Variants in GSE1 observed in about 807,000 individuals in gnomAD.
GSE1 encodes Gse1 coiled-coil protein, also known as genetic suppressor element 1.
Under a neutral mutation model 112.6 loss-of-function variants are expected in GSE1, and 32 were observed. That is an observed-to-expected ratio of 0.28 (90% confidence interval 0.21 to 0.38). GSE1 has a LOEUF of 0.38. Among genes scored for constraint, GSE1 ranks in the 10% least tolerant of loss-of-function variants. The probability of loss-of-function intolerance (pLI) is 1.00; values close to 1 mark genes in which losing one functional copy is unlikely to be tolerated. For synonymous variants in GSE1, 1,115 were observed against 735.6 expected (o/e 1.52, Z -8.35); for missense variants, 2,348 against 1,699.2 (o/e 1.38, Z -6.71).
Position 85,646,128 on chromosome 16 carries a change from TTCCTATGCATGCATTCTACCTGCTTCTAC to T in GSE1, c.227-2423_227-2395del, listed in dbSNP as rs2050845657. ...TGCATTCTACCTGCTTCTACCACGC[TTCCTATGCATGCATTCTACCTGCTTCTAC>T]CACGCTTCCTATGCATGCATTCTAC... On this transcript the variant is annotated intron_variant, in intron 2 of 15. Transcript: ENST00000253458. Among the ~76,000 whole-genome samples the T allele has an allele frequency of 2.7e-5, 3 of 111,652 alleles. 1 individual carries two copies. The highest frequency in any genetic ancestry group is 1.2e-4 in the African/African-American group (3 of 25,586). The allele number at this position is 111,652 out of a possible 152,430, so 73.2% of individuals were successfully genotyped here.
intron 2 of GSE1, among the ~76,000 whole-genome samples, chr16:85,638,015 G>A (rs565758059): frequency 4.6e-5 from 7 of 152,314 alleles, no homozygotes; most frequent in Non-Finnish European, 7.4e-5. Flanking sequence ...AGCAGAGGCT[G>A]TGCTGCCCCA....
chr16:85,281,929 G>A (rs887273064), intron 1 of GSE1, among the ~76,000 whole-genome samples: 1 of 152,166 alleles, frequency 6.6e-6, no homozygotes, highest in Admixed American at 6.5e-5. Context: ...CAGTCCCCAG[G>A]TTTGCCACCC....
At chr16:85,471,912 A>G (rs7190883) in intron 2 of GSE1, among the ~76,000 whole-genome samples, 125,243 of 152,228 alleles carry the variant, frequency 0.82, 51,800 homozygotes, top group East Asian at 0.98. Context: ...TGTGGCTGGC[A>G]CCTGTGGTGG....
At chr16:85,663,163 T>G in intron 10 of GSE1, 70 bp downstream of exon 10, 4 of 1,247,512 alleles carry the variant, frequency 3.2e-6, no homozygotes, top group Non-Finnish European at 4.7e-6. Flanking sequence ...CACCCTGCAG[T>G]CCACCCCACT....
intron 2 of GSE1, among the ~76,000 whole-genome samples, chr16:85,367,450 T>C (rs1464649876): frequency 1.3e-5 from 2 of 152,158 alleles, no homozygotes; most frequent in East Asian, 3.9e-4. Context: ...AGAGCAGATA[T>C]TCAAGAGGAA....
intron 1 of GSE1, among the ~76,000 whole-genome samples, chr16:85,570,043 T>C (rs904007405): frequency 1.3e-5 from 2 of 152,218 alleles, no homozygotes; most frequent in Admixed American, 6.5e-5. Flanking sequence ...GTTGCGGCCC[T>C]GAGTTCCCAG....
intron 2 of GSE1, among the ~76,000 whole-genome samples, chr16:85,517,526 T>G (rs1186054178): frequency 6.6e-6 from 1 of 152,198 alleles, no homozygotes; most frequent in African/African-American, 2.4e-5. Context: ...TCAGGCCTTG[T>G]GCTGAAGCGG....
At chr16:85,548,360 T>G (rs1377604345) in intron 2 of GSE1, among the ~76,000 whole-genome samples, 1 of 146,736 alleles carries the variant, frequency 6.8e-6, no homozygotes, top group Non-Finnish European at 1.5e-5. Context: ...TAGGTCTTCT[T>G]TTTTTTTTTT....
At chr16:85,292,336 T>TG (rs1396413912) in intron 1 of GSE1, among the ~76,000 whole-genome samples, 2 of 150,136 alleles carry the variant, frequency 1.3e-5, no homozygotes, top group African/African-American at 2.5e-5. Flanking sequence ...TTGTTTTTTT[T>TG]TTTTGTTTTC....
At chr16:85,450,366 C>T (rs2049642254) in intron 2 of GSE1, among the ~76,000 whole-genome samples, 1 of 151,956 alleles carries the variant, frequency 6.6e-6, no homozygotes, top group Non-Finnish European at 1.5e-5. Context: ...GATCTGCCCG[C>T]CTTGGCCTCC....
At chr16:85,307,865 C>T (rs58242114) in intron 1 of GSE1, among the ~76,000 whole-genome samples, 5,898 of 152,200 alleles carry the variant, frequency 0.039, 333 homozygotes, top group African/African-American at 0.12. Flanking sequence ...TAGAGGTGAC[C>T]GCCCCAGGAG....
intron 2 of GSE1, among the ~76,000 whole-genome samples, chr16:85,457,882 G>A (rs374027598): frequency 2.6e-5 from 4 of 152,226 alleles, no homozygotes; most frequent in Admixed American, 6.5e-5. Flanking sequence ...GGCCCTGTGC[G>A]GAGGCTTTCC....
chr16:85,424,146 G>C (rs989452468), intron 2 of GSE1, among the ~76,000 whole-genome samples: 1 of 152,252 alleles, frequency 6.6e-6, no homozygotes, highest in Non-Finnish European at 1.5e-5. Context: ...GAAAGCTCTT[G>C]TCCTCCTAAT....
intron 2 of GSE1, among the ~76,000 whole-genome samples, chr16:85,382,128 T>C (rs4783186): frequency 0.83 from 126,776 of 152,226 alleles, 52,977 homozygotes; most frequent in Non-Finnish European, 0.87. Context: ...GGCCGGGCAG[T>C]CACCCCCACG....
intron 3 of GSE1, among the ~76,000 whole-genome samples, 162 bp from the exon 4 acceptor site, chr16:85,654,116 C>A (rs1345451473): frequency 6.6e-6 from 1 of 152,212 alleles, no homozygotes; most frequent in African/African-American, 2.4e-5. Flanking sequence ...CTGCTTCCCA[C>A]ACCACATGCA....
chr16:85,204,769 G>A (rs767529845), intron 1 of GSE1, among the ~76,000 whole-genome samples: 1 of 152,200 alleles, frequency 6.6e-6, no homozygotes, highest in Non-Finnish European at 1.5e-5. Flanking sequence ...CACAGGGTGG[G>A]GCTCACATGT....
intron 1 of GSE1, among the ~76,000 whole-genome samples, chr16:85,343,147 A>G (rs2046660093): frequency 6.6e-6 from 1 of 152,078 alleles, no homozygotes; most frequent in Admixed American, 6.5e-5. Flanking sequence ...TGGCGCGTCC[A>G]CACTACGGCA....
At chr16:85,519,179 C>A (rs144624332) in intron 2 of GSE1, among the ~76,000 whole-genome samples, 1 of 152,266 alleles carries the variant, frequency 6.6e-6, no homozygotes, top group Non-Finnish European at 1.5e-5. Flanking sequence ...TATTTGTAAA[C>A]GTTTTCCCCT....
rs1597516961 is a variant in GSE1 at position 85,373,447 on chromosome 16, A to C, written c.2464+15804A>C. On this transcript the variant is annotated intron_variant, in intron 2 of 2. Transcript: ENST00000637419. This position sits in a 1 kb window ranked among gnomAD's most constrained non-coding sequence, Gnocchi z 5.1. The stretch of plus-strand genomic sequence containing the variant: ...GAGCAGAGGAGGGGAGGGGACGAGA[A>C]CCTCTCCCCCTCCGCTGCTTTCCAG... Among the ~76,000 whole-genome samples, 1 of 151,382 alleles carries C rather than the reference A, an allele frequency of 6.6e-6. No homozygotes were observed. The highest frequency in any genetic ancestry group is 6.6e-5 in the Admixed American group (1 of 15,238).
Sources: allele counts gnomAD v4.1 joint callset (sites outside exome capture counted in the v4.1 genomes callset), GRCh38; gene constraint gnomAD v4.1.1; non-coding constraint Gnocchi (gnomAD v3.1); transcripts MANE v1.5; gene names NCBI Gene and HGNC (gene_info 2026-07-23, HGNC 2026-07-21).